PTPRN2: variants seen among roughly 807,000 people sequenced by gnomAD.
PTPRN2 encodes protein tyrosine phosphatase receptor type N2.
In PTPRN2, 74 loss-of-function variants were observed where a neutral mutation model predicts 118.8. The ratio of observed to expected loss-of-function variants is 0.62; its 90% CI spans 0.52 to 0.76. PTPRN2 has a LOEUF of 0.76. Ranked by LOEUF, PTPRN2 falls within the 30% of genes least tolerant of loss-of-function variation. PTPRN2 has a pLI of 0.00. For missense variants in PTPRN2, 1,481 were observed against 1,394.4 expected (o/e 1.06, Z -0.99); for synonymous variants, 641 against 608.0 (o/e 1.05, Z -0.80).
intron 2 of PTPRN2, among the ~76,000 whole-genome samples, chr7:158,422,703 C>G (rs188405200): frequency 2.0e-5 from 3 of 146,782 alleles, no homozygotes; most frequent in Non-Finnish European, 2.9e-5. Flanking sequence ...GGCCACCATT[C>G]GGATGTGGTC....
At chr7:157,666,409 A>G (rs1249973571) in intron 13 of PTPRN2, among the ~76,000 whole-genome samples, 1 of 152,162 alleles carries the variant, frequency 6.6e-6, no homozygotes, top group Admixed American at 6.5e-5. Context: ...GAAAAAGGGC[A>G]CGGTTTTGCA....
intron 14 of PTPRN2, among the ~76,000 whole-genome samples, chr7:157,633,354 GC>G (rs1039704088): frequency 1.3e-5 from 2 of 152,148 alleles, no homozygotes; most frequent in African/African-American, 4.8e-5. Flanking sequence ...TGTTGGCCGG[GC>G]TGGGCTCAAA....
chr7:158,485,677 G>A (rs1208826239), intron 2 of PTPRN2, among the ~76,000 whole-genome samples: 1 of 151,658 alleles, frequency 6.6e-6, no homozygotes, highest in African/African-American at 2.4e-5. Flanking sequence ...TGAGCTCAAA[G>A]GGAATGGTGG....
intron 11 of PTPRN2, among the ~76,000 whole-genome samples, chr7:158,017,401 G>A (rs1806533307): frequency 6.6e-6 from 1 of 151,674 alleles, no homozygotes. Context: ...CAGGGAGAAG[G>A]GTCTAGGCTC....
chr7:157,873,505 G>C (rs1374641574), intron 12 of PTPRN2, among the ~76,000 whole-genome samples: 2 of 151,310 alleles, frequency 1.3e-5, no homozygotes, highest in East Asian at 3.9e-4. Context: ...GTCTCGCCGT[G>C]GGGGCCGGGA....
chr7:158,049,653 C>A (rs760687307), intron 11 of PTPRN2, among the ~76,000 whole-genome samples: 16 of 152,190 alleles, frequency 1.1e-4, no homozygotes, highest in Non-Finnish European at 1.8e-4. Context: ...TAATCCCCAG[C>A]ACTTTGGGAG....
intron 1 of PTPRN2, among the ~76,000 whole-genome samples, chr7:158,528,330 G>A (rs4909236): frequency 0.22 from 33,242 of 152,056 alleles, 3,982 homozygotes; most frequent in South Asian, 0.41. Flanking sequence ...GGGTATGAAC[G>A]CCAGGTGACG....
chr7:157,998,437 C>A (rs547233091), intron 11 of PTPRN2, among the ~76,000 whole-genome samples: 1 of 152,206 alleles, frequency 6.6e-6, no homozygotes, highest in Non-Finnish European at 1.5e-5. Flanking sequence ...GGAGGAGCAG[C>A]AGCTCTGCCG....
chr7:158,453,020 A>G (rs1818197545), intron 2 of PTPRN2, among the ~76,000 whole-genome samples: 2 of 152,234 alleles, frequency 1.3e-5, no homozygotes, highest in South Asian at 2.1e-4. Context: ...TGATGCTTTT[A>G]ACTTGACAGT....
intron 4 of PTPRN2, among the ~76,000 whole-genome samples, chr7:158,200,849 G>A (rs1353975023): frequency 6.6e-6 from 1 of 152,102 alleles, no homozygotes; most frequent in Admixed American, 6.5e-5. Flanking sequence ...TAGAACAAAA[G>A]CAAGTGAGAA....
intron 1 of PTPRN2, among the ~76,000 whole-genome samples, chr7:158,572,241 G>A (rs138565302): frequency 2.2e-4 from 34 of 152,276 alleles, no homozygotes; most frequent in African/African-American, 6.5e-4. Flanking sequence ...GATCCTCTTC[G>A]TTCACAGTGA....
chr7:158,361,979 G>T (rs1262550507), intron 2 of PTPRN2, among the ~76,000 whole-genome samples: 1 of 152,072 alleles, frequency 6.6e-6, no homozygotes, highest in Non-Finnish European at 1.5e-5. Flanking sequence ...TCGTTTCTTG[G>T]CCCTGAATCC....
At chr7:158,281,353 G>A (rs2150999344) in intron 3 of PTPRN2, among the ~76,000 whole-genome samples, 1 of 152,318 alleles carries the variant, frequency 6.6e-6, no homozygotes, top group Middle Eastern at 3.4e-3. Flanking sequence ...TAAAACAGTA[G>A]TAGAGTCATA....
chr7:158,171,559 C>T (rs1464355952), intron 5 of PTPRN2, among the ~76,000 whole-genome samples: 3 of 151,862 alleles, frequency 2.0e-5, no homozygotes, highest in Non-Finnish European at 4.4e-5. Context: ...CCATGTTGGT[C>T]AGGCTGGTCT....
chr7:158,391,479 C>A (rs1811923220), intron 2 of PTPRN2, among the ~76,000 whole-genome samples: 1 of 152,214 alleles, frequency 6.6e-6, no homozygotes, highest in South Asian at 2.1e-4. Flanking sequence ...GGTCTCTCAG[C>A]CACAGCAGCC....
chr7:158,489,756 C>CG lies in PTPRN2; in HGVS notation c.141_142insC (p.Ala48ArgfsTer52). On this transcript the variant is annotated frameshift_variant, in exon 2 of 23. Coordinates refer to ENST00000389418, the MANE Select transcript of PTPRN2 (RefSeq NM_002847.5). LOFTEE classifies it high-confidence loss of function. ...TCACCGTTCACACAGGCCTCGGACGCTCCGCAGAGGCCCTCCTCGAGCAGG... is the reference window on the plus strand; with the variant it reads ...TCACCGTTCACACAGGCCTCGGACGCGTCCGCAGAGGCCCTCCTCGAGCAGG... The CG allele has an allele frequency of 6.3e-7, 1 of 1,583,598 alleles. No homozygotes were observed. Among genetic ancestry groups the CG allele is most frequent in the Non-Finnish European group, 8.6e-7 (1 of 1,166,078 alleles).
chr7:157,642,833 A>AAAAAAAAAAAAAAAAAAAAAC (rs1563293011), intron 14 of PTPRN2, among the ~76,000 whole-genome samples: 3 of 146,548 alleles, frequency 2.0e-5, no homozygotes, highest in African/African-American at 5.0e-5. Flanking sequence ...AAAAAAAAAA[A>AAAAAAAAAAAAAAAAAAAAAC]AAAAAAAAAA....
intron 2 of PTPRN2, among the ~76,000 whole-genome samples, chr7:158,422,748 G>A (rs937041511): frequency 2.0e-5 from 3 of 151,810 alleles, no homozygotes; most frequent in African/African-American, 7.3e-5. Context: ...CCGGCTTCTG[G>A]GGCCACCATT....
chr7:158,072,057 C>CGTATGGAGGTGCTCATGGTGGAGGTGCT, intron 11 of PTPRN2, among the ~76,000 whole-genome samples: 1 of 69,138 alleles, frequency 1.4e-5, no homozygotes, highest in African/African-American at 5.9e-5. Context: ...GTGGAGGTTC[C>CGTATGGAGGTGCTCATGGTGGAGGTGCT]CGTGGTGGTG....
Sources: gnomAD v4.1 joint callset for allele counts (sites outside exome capture counted in the v4.1 genomes callset) on GRCh38, gnomAD v4.1.1 for gene constraint, MANE v1.5 for transcripts, NCBI Gene and HGNC (gene_info 2026-07-23, HGNC 2026-07-21) for gene names.